TNFSF11: variants seen among roughly 807,000 people sequenced by gnomAD.
The protein encoded by TNFSF11 is TNF superfamily member 11.
A neutral mutation model predicts 32.2 loss-of-function variants in TNFSF11; 12 were observed. The ratio of observed to expected loss-of-function variants is 0.37; its 90% CI spans 0.24 to 0.60. The LOEUF (loss-of-function observed/expected upper bound fraction) is 0.60. Ranked by LOEUF, TNFSF11 falls within the 20% of genes least tolerant of loss-of-function variation. The pLI is 0.66. For missense variants in TNFSF11, 345 were observed against 398.0 expected (o/e 0.87, Z 1.13); for synonymous variants, 172 against 152.1 (o/e 1.13, Z -0.96).
chr13:42,571,009 C>T (rs926649319), upstream of TNFSF11, among the ~76,000 whole-genome samples: 8 of 151,352 alleles, frequency 5.3e-5, no homozygotes, highest in Non-Finnish European at 1.0e-4. Flanking sequence ...TTTTTTCCCA[C>T]TAGGGTGTAA....
At chr13:42,567,269 TTTAGA>T (rs1211525346) in intron 2 of TNFSF11, among the ~76,000 whole-genome samples, 2 of 152,222 alleles carry the variant, frequency 1.3e-5, no homozygotes, top group Non-Finnish European at 2.9e-5. Flanking sequence ...GCTCTAATAC[TTTAGA>T]TTAATTTTAT....
At chr13:42,585,972 T>C (rs1050583400) in intron 2 of TNFSF11, among the ~76,000 whole-genome samples, 3 of 152,236 alleles carry the variant, frequency 2.0e-5, no homozygotes, top group Non-Finnish European at 4.4e-5. Context: ...GGATGTTCAG[T>C]GCATTAAAGA....
At chr13:42,601,592 C>T (rs1869178440) in intron 4 of TNFSF11, among the ~76,000 whole-genome samples, 1 of 152,176 alleles carries the variant, frequency 6.6e-6, no homozygotes, top group Admixed American at 6.5e-5. Context: ...ATCATACAAC[C>T]CCCACTGGTT....
chr13:42,563,498 A>G (rs905231802), intron 1 of TNFSF11, among the ~76,000 whole-genome samples: 11 of 152,104 alleles, frequency 7.2e-5, no homozygotes, highest in Non-Finnish European at 1.5e-4. Flanking sequence ...CCTTGTCTCT[A>G]CCAAAATTAC....
In TNFSF11 at chr13:42,574,426, C is replaced by A. The variant is rs1438699164; in HGVS notation, c.123C>A (p.Pro41=). The change falls in exon 1 of 5, where the codon CCC becomes CCA. Residue 41 remains proline, a synonymous_variant. Transcript: ENST00000398795. ...HAPPPPAPHQ[P]PAASRSMFVA... ...CGCCGCCGCCTGCGCCGCACCAGCC[C>A]CCTGCCGCCTCCCGCTCCATGTTCG... 1.9e-6 allele frequency: 3 copies of A among 1,597,274 alleles called. No homozygotes were observed. The highest frequency in any genetic ancestry group is 2.6e-6 in the Non-Finnish European group (3 of 1,174,764).
rs552798107 is a variant in TNFSF11 at position 42,606,536 on chromosome 13, G to A, written c.572G>A (p.Arg191Gln). Residue 191 changes from arginine to glutamine, a missense_variant, in exon 5 of 5, where the codon CGG becomes CAG. Transcript: ENST00000398795. ...KVSLSSWYHD[R>Q]GWAKISNMTF... Reference sequence around the variant, plus strand: ...AGTCTGTCCTCTTGGTACCATGATCGGGGTTGGGCCAAGATCTCCAACATG... The same window carrying A: ...AGTCTGTCCTCTTGGTACCATGATCAGGGTTGGGCCAAGATCTCCAACATG... 8.7e-6 allele frequency: 14 copies of A among 1,614,104 alleles called. No individual in the cohort carries two copies. Among genetic ancestry groups the A allele is most frequent in the Admixed American group, 3.3e-5 (2 of 60,022 alleles).
chr13:42,581,040 A>AT (rs1873581475), intron 1 of TNFSF11, 86 bp from the exon 2 acceptor site: 3 of 1,458,056 alleles, frequency 2.1e-6, no homozygotes. Flanking sequence ...GCGAGTATGA[A>AT]TTTTTTGTTC....
chr13:42,593,922 G>T (rs1868639750), intron 2 of TNFSF11, among the ~76,000 whole-genome samples: 1 of 152,140 alleles, frequency 6.6e-6, no homozygotes, highest in African/African-American at 2.4e-5. Flanking sequence ...TCTGTGCTCT[G>T]ATTGACAGGT....
chr13:42,570,802 T>C (rs1408832306), upstream of TNFSF11, among the ~76,000 whole-genome samples: 4 of 152,182 alleles, frequency 2.6e-5, no homozygotes, highest in Non-Finnish European at 2.9e-5. Context: ...CATTATCTAG[T>C]AGTAGTTTAA....
At chr13:42,583,834 A>C (rs1284128477) in intron 2 of TNFSF11, among the ~76,000 whole-genome samples, 1 of 152,158 alleles carries the variant, frequency 6.6e-6, no homozygotes, top group African/African-American at 2.4e-5. Context: ...ATTACACAAG[A>C]GAATGAAATA....
chr13:42,590,323 G>T (rs556105471), intron 2 of TNFSF11, among the ~76,000 whole-genome samples: 4 of 152,204 alleles, frequency 2.6e-5, no homozygotes, highest in African/African-American at 4.8e-5. Flanking sequence ...GAGGTCACTC[G>T]CAAGCTCAGT....
At chr13:42,587,683 G>A (rs559988603) in intron 2 of TNFSF11, among the ~76,000 whole-genome samples, 15 of 152,304 alleles carry the variant, frequency 9.8e-5, no homozygotes, top group Non-Finnish European at 2.1e-4. Flanking sequence ...CACCTGCACC[G>A]CTTTTGCTAG....
chr13:42,581,283 C>A lies in TNFSF11; in HGVS notation c.377C>A (p.Ala126Asp). The change falls in exon 2 of 5, where the codon GCT (alanine) becomes GAT (aspartate). Residue 126 changes from alanine (A) to aspartate (D), a missense_variant. By Grantham distance (126) the Ala-to-Asp change is moderately radical. Transcript: ENST00000398795. ...CRRIKQAFQGAVQKELQHIVG... is the reference protein window; with the variant it reads ...CRRIKQAFQGDVQKELQHIVG... ...AGAATTAAACAGGCCTTTCAAGGAG[C>A]TGTGCAAAAGGTAAGTCCACATCGA... The A allele has an allele frequency of 6.2e-7, 1 of 1,614,018 alleles. No homozygotes were observed. The highest frequency in any genetic ancestry group is 8.5e-7 in the Non-Finnish European group (1 of 1,179,926).
chr13:42,565,225 TATA>T (rs146514006), intron 1 of TNFSF11, among the ~76,000 whole-genome samples: 55,731 of 104,872 alleles, frequency 0.53, 10,409 homozygotes, highest in South Asian at 0.6. Context: ...TATATATATA[TATA>T]TATTTTTTTC....
chr13:42,575,897 T>C (rs1873288800), intron 1 of TNFSF11, among the ~76,000 whole-genome samples: 1 of 152,222 alleles, frequency 6.6e-6, no homozygotes, highest in African/African-American at 2.4e-5. Context: ...TTACCCATTT[T>C]CTCATCCAGC....
intron 1 of TNFSF11, 111 bp from the exon 2 acceptor site, chr13:42,581,015 G>T: frequency 9.1e-7 from 1 of 1,097,486 alleles, no homozygotes; most frequent in Non-Finnish European, 1.4e-6. Context: ...CATTGTTGGG[G>T]ACATAAAGAC....
At chr13:42,601,615 G>C (rs1367215525) in intron 4 of TNFSF11, among the ~76,000 whole-genome samples, 1 of 152,088 alleles carries the variant, frequency 6.6e-6, no homozygotes, top group African/African-American at 2.4e-5. Context: ...TTCACCATGG[G>C]CTAGATAGCT....
At chr13:42,579,264 C>T (rs1232901667) in intron 1 of TNFSF11, among the ~76,000 whole-genome samples, 1 of 151,720 alleles carries the variant, frequency 6.6e-6, no homozygotes, top group South Asian at 2.1e-4. Flanking sequence ...GCCAATTAGC[C>T]AAGCATGGTG....
chr13:42,602,991 G>T (rs772219609), intron 4 of TNFSF11, among the ~76,000 whole-genome samples: 5 of 152,198 alleles, frequency 3.3e-5, no homozygotes, highest in Non-Finnish European at 5.9e-5. Flanking sequence ...TTGTGACTGA[G>T]TGAGATGAGT....
Sources: allele counts gnomAD v4.1 joint callset (sites outside exome capture counted in the v4.1 genomes callset), GRCh38; gene constraint gnomAD v4.1.1; transcripts MANE v1.5; gene names NCBI Gene and HGNC (gene_info 2026-07-23, HGNC 2026-07-21).